PDCD1LG2: variants seen among roughly 807,000 people sequenced by gnomAD.
PDCD1LG2 encodes the protein B7 dendritic cell molecule.
A neutral mutation model predicts 28.2 loss-of-function variants in PDCD1LG2; 32 were observed. That is an observed-to-expected ratio of 1.13 (90% CI 0.86 to 1.52). The LOEUF (loss-of-function observed/expected upper bound fraction) is 1.52, where lower values mean the gene tolerates loss of function less well. PDCD1LG2 is among the 40% of genes most tolerant of loss of function. PDCD1LG2 has a pLI of 0.00. For synonymous variants in PDCD1LG2, 116 were observed against 120.2 expected (o/e 0.97, Z 0.23); for missense variants, 385 against 323.8 (o/e 1.19, Z -1.45).
intron 2 of PDCD1LG2, among the ~76,000 whole-genome samples, chr9:5,527,907 C>T (rs867237312): frequency 1.2e-4 from 18 of 152,240 alleles, no homozygotes; most frequent in Middle Eastern, 3.4e-3. Flanking sequence ...TGGCTTACTG[C>T]AACCTCCGCC....
At chr9:5,542,885 T>A (rs1820712506) in intron 3 of PDCD1LG2, among the ~76,000 whole-genome samples, 2 of 152,196 alleles carry the variant, frequency 1.3e-5, no homozygotes, top group South Asian at 2.1e-4. Flanking sequence ...GCACACGCAT[T>A]TTTATAGCAG....
intron 4 of PDCD1LG2, among the ~76,000 whole-genome samples, chr9:5,553,776 A>G (rs1816383564): frequency 6.6e-6 from 1 of 152,202 alleles, no homozygotes; most frequent in Non-Finnish European, 1.5e-5. Flanking sequence ...AAATACAGCC[A>G]TCAGGGAGAT....
rs146718941 is a variant in PDCD1LG2 at position 5,520,876 on chromosome 9, G to A, written c.-14-1657G>A. ...ATTCTACTCCTACATATGTACCCAA[G>A]ATAATTAAAAGTATACATAGACAAA... is the stretch of plus-strand genomic sequence containing the variant. On this transcript the variant is annotated intron_variant, in intron 1 of 6. Coordinates refer to ENST00000397747, the MANE Select transcript of PDCD1LG2 (RefSeq NM_025239.4). Among the ~76,000 whole-genome samples, 122 of 152,182 alleles carry A rather than the reference G, an allele frequency of 8.0e-4. 5 individuals are homozygous for A. The East Asian group carries it at 0.023, about 29-fold the overall frequency.
intron 4 of PDCD1LG2, among the ~76,000 whole-genome samples, chr9:5,556,063 G>A (rs956825422): frequency 6.6e-6 from 1 of 152,232 alleles, no homozygotes; most frequent in Non-Finnish European, 1.5e-5. Flanking sequence ...TATCTAGAGA[G>A]GACTCAGAGG....
At chr9:5,537,216 A>G (rs1246792889) in intron 3 of PDCD1LG2, among the ~76,000 whole-genome samples, 2 of 152,230 alleles carry the variant, frequency 1.3e-5, no homozygotes, top group Non-Finnish European at 2.9e-5. Flanking sequence ...CCATTGATTT[A>G]CTCATACGAA....
At chr9:5,512,503 G>A (rs994072216) in intron 1 of PDCD1LG2, among the ~76,000 whole-genome samples, 6 of 152,092 alleles carry the variant, frequency 3.9e-5, no homozygotes, top group African/African-American at 1.2e-4. Context: ...ATGCTCTTCT[G>A]ACCACCTTGT....
chr9:5,523,719 G>A (rs938866668), intron 2 of PDCD1LG2, among the ~76,000 whole-genome samples: 8 of 152,228 alleles, frequency 5.3e-5, no homozygotes, highest in African/African-American at 1.9e-4. Context: ...CTACAAAACA[G>A]CTTCAAGTTT....
At chr9:5,560,696 A>G (rs192072076) in intron 5 of PDCD1LG2, among the ~76,000 whole-genome samples, 1 of 152,058 alleles carries the variant, frequency 6.6e-6, no homozygotes, top group Non-Finnish European at 1.5e-5. Flanking sequence ...GGTATCCTGA[A>G]TTTCTTAGTC....
chr9:5,561,763 G>A (rs889530670), intron 5 of PDCD1LG2, among the ~76,000 whole-genome samples: 1 of 152,144 alleles, frequency 6.6e-6, no homozygotes, highest in African/African-American at 2.4e-5. Flanking sequence ...TCACCTACCA[G>A]CACCAGCCCA....
At chr9:5,551,683 C>T (rs1335660640) in intron 4 of PDCD1LG2, among the ~76,000 whole-genome samples, 1 of 152,142 alleles carries the variant, frequency 6.6e-6, no homozygotes, top group African/African-American at 2.4e-5. Flanking sequence ...AGAAAAGTAT[C>T]CAATTTGAGG....
chr9:5,549,172 G>T (rs1430979685), intron 3 of PDCD1LG2, among the ~76,000 whole-genome samples, 163 bp from the exon 4 acceptor site: 1 of 152,118 alleles, frequency 6.6e-6, no homozygotes, highest in Non-Finnish European at 1.5e-5. Flanking sequence ...AATATATGTG[G>T]AAAATAGCAT....
chr9:5,537,269 A>G lies in PDCD1LG2; in HGVS notation c.361+2219A>G, dbSNP rs1191415516. 3.9e-5 allele frequency among the ~76,000 whole-genome samples: 6 copies of G among 152,254 alleles called. No individual in the cohort carries two copies. In the East Asian group the frequency reaches 1.2e-3, roughly 29 times the overall value. On this transcript the variant is annotated intron_variant, in intron 3 of 6. Transcript: ENST00000397747. Reference sequence around the variant, plus strand: ...TATAAGCTACAAAAAAATGAAAAATAGAAATAGAATTGAGGCTGAATTCTA... The same window carrying G: ...TATAAGCTACAAAAAAATGAAAAATGGAAATAGAATTGAGGCTGAATTCTA...
At chr9:5,523,245 G>A (rs998207629) in intron 2 of PDCD1LG2, among the ~76,000 whole-genome samples, 1 of 152,172 alleles carries the variant, frequency 6.6e-6, no homozygotes, top group Non-Finnish European at 1.5e-5. Context: ...TTCTCCTGGG[G>A]AAGGTAGTTC....
At chr9:5,540,581 G>A (rs1237064870) in intron 3 of PDCD1LG2, among the ~76,000 whole-genome samples, 1 of 152,120 alleles carries the variant, frequency 6.6e-6, no homozygotes, top group Admixed American at 6.5e-5. Flanking sequence ...AGGCCACTAT[G>A]AACACCTTTA....
chr9:5,543,426 C>CT (rs1345357939), intron 3 of PDCD1LG2, among the ~76,000 whole-genome samples: 2 of 151,570 alleles, frequency 1.3e-5, no homozygotes, highest in African/African-American at 4.8e-5. Flanking sequence ...GCAGTCGCAG[C>CT]TACTCGGGAG....
chr9:5,562,149 G>A (rs1816577729), intron 5 of PDCD1LG2, among the ~76,000 whole-genome samples: 1 of 152,174 alleles, frequency 6.6e-6, no homozygotes, highest in Admixed American at 6.5e-5. Context: ...AATCCTAAAA[G>A]AGAATCAGAG....
chr9:5,516,962 C>T (rs1034705212), intron 1 of PDCD1LG2, among the ~76,000 whole-genome samples: 1 of 152,188 alleles, frequency 6.6e-6, no homozygotes. Flanking sequence ...ATGCGGTTCC[C>T]ACCCCGCCAA....
At position 5,527,809 on chromosome 9, in the gene PDCD1LG2, C is replaced by T. The variant is rs1820407184; in HGVS notation, c.55+5208C>T. On this transcript the variant is annotated intron_variant, in intron 2 of 6. Coordinates refer to ENST00000397747, the MANE Select transcript of PDCD1LG2 (RefSeq NM_025239.4). ...GAGTTCTAATTGTTCCTCATCCTTC[C>T]CAGCACTGGTATTCTTTTCTATTTT... is the stretch of plus-strand genomic sequence containing the variant. Among the ~76,000 whole-genome samples the T allele has an allele frequency of 1.3e-5, 2 of 151,948 alleles. 1 individual carries two copies. Among genetic ancestry groups the T allele is most frequent in the South Asian group, 4.1e-4 (2 of 4,824 alleles).
In PDCD1LG2 at chr9:5,570,361, G is replaced by A. The variant is rs190747810; in HGVS notation, c.*402G>A. 2.0e-5 allele frequency: 5 copies of A among 249,658 alleles called. No homozygotes were observed. The Admixed American group carries it at 2.0e-4, about 10-fold the overall frequency. The allele number at this position is 249,658 out of a possible 1,614,324, so 15.5% of individuals were successfully genotyped here. On this transcript the variant is annotated 3_prime_UTR_variant, in exon 7 of 7. Coordinates refer to ENST00000397747, the MANE Select transcript of PDCD1LG2 (RefSeq NM_025239.4). Reference sequence around the variant, plus strand: ...TTCCAGTAACAGAAACAGATGGGTTGCCAATAGAGTTATTTTTTATCTATA... The same window carrying A: ...TTCCAGTAACAGAAACAGATGGGTTACCAATAGAGTTATTTTTTATCTATA...
Sources: gnomAD v4.1 joint callset for allele counts (sites outside exome capture counted in the v4.1 genomes callset) on GRCh38, gnomAD v4.1.1 for gene constraint, MANE v1.5 for transcripts, NCBI Gene and HGNC (gene_info 2026-07-23, HGNC 2026-07-21) for gene names.